SGCD: variants seen among roughly 807,000 people sequenced by gnomAD.
SGCD encodes sarcoglycan delta.
SGCD carries 18 observed loss-of-function variants against 36.6 expected under a neutral mutation model. The observed-to-expected ratio is 0.49, with a 90% CI of 0.34 to 0.73. SGCD has a LOEUF of 0.73. SGCD is among the 30% of genes least tolerant of loss of function. The probability of loss-of-function intolerance (pLI) is 0.01; values close to 1 mark genes in which losing one functional copy is unlikely to be tolerated. For missense variants in SGCD, 387 were observed against 346.7 expected (o/e 1.12, Z -0.92); for synonymous variants, 133 against 130.6 (o/e 1.02, Z -0.12).
chr5:155,792,449 A>G, the SGCD span, among the ~76,000 whole-genome samples: 11 of 151,428 alleles, frequency 7.3e-5, no homozygotes, highest in Non-Finnish European at 2.9e-5. Flanking sequence ...AAAAAAAAAA[A>G]AAAGTCAACA....
intron 3 of SGCD, among the ~76,000 whole-genome samples, chr5:156,303,314 A>G (rs1222958942): frequency 1.3e-5 from 2 of 152,078 alleles, no homozygotes; most frequent in Non-Finnish European, 2.9e-5. Flanking sequence ...CTCTAGGCCC[A>G]AAGGTCTTTA....
chr5:156,730,072 C>A (rs1188425173), intron 7 of SGCD, among the ~76,000 whole-genome samples: 1 of 151,650 alleles, frequency 6.6e-6, no homozygotes, highest in Non-Finnish European at 1.5e-5. Flanking sequence ...AATTGTACCA[C>A]AATATAGTCC....
the SGCD span, among the ~76,000 whole-genome samples, chr5:155,850,004 A>G: frequency 0.064 from 9,724 of 152,260 alleles, 370 homozygotes; most frequent in Middle Eastern, 0.14. Context: ...TTTGCTATAT[A>G]AATATCAGGA....
the SGCD span, among the ~76,000 whole-genome samples, chr5:155,728,340 C>G: frequency 6.6e-6 from 1 of 152,166 alleles, no homozygotes; most frequent in African/African-American, 2.4e-5. Context: ...GAGTCGGAGC[C>G]GGCGAGATCG....
At chr5:156,545,821 T>G (rs917530000) in intron 4 of SGCD, among the ~76,000 whole-genome samples, 1 of 152,142 alleles carries the variant, frequency 6.6e-6, no homozygotes, top group Non-Finnish European at 1.5e-5. Flanking sequence ...TGGATATGTC[T>G]GCGGGAAGCC....
At chr5:156,012,547 A>G (rs1758881600) in intron 1 of SGCD, among the ~76,000 whole-genome samples, 1 of 152,142 alleles carries the variant, frequency 6.6e-6, no homozygotes, top group Non-Finnish European at 1.5e-5. Context: ...ATGTATTCAG[A>G]CATATCTATG....
chr5:156,276,755 A>G (rs1766328031), intron 3 of SGCD, among the ~76,000 whole-genome samples: 1 of 152,214 alleles, frequency 6.6e-6, no homozygotes, highest in South Asian at 2.1e-4. Context: ...AGTACATTTT[A>G]AAGTGTGTAA....
intron 1 of SGCD, among the ~76,000 whole-genome samples, chr5:155,878,855 A>G (rs1220956539): frequency 2.0e-5 from 3 of 152,166 alleles, no homozygotes; most frequent in Non-Finnish European, 4.4e-5. Context: ...AAACAAATTC[A>G]ATATTGAGCT....
the SGCD span, among the ~76,000 whole-genome samples, chr5:155,782,882 A>G: frequency 6.6e-6 from 1 of 152,144 alleles, no homozygotes; most frequent in Non-Finnish European, 1.5e-5. Flanking sequence ...GTCAGTGGAA[A>G]AATTGTCTTC....
chr5:156,747,759 G>T (rs552937556), intron 7 of SGCD, among the ~76,000 whole-genome samples: 2 of 152,168 alleles, frequency 1.3e-5, no homozygotes, highest in East Asian at 1.9e-4. Context: ...TCCAGCCCAC[G>T]TTGAGGGGAG....
chr5:156,089,093 G>A (rs932973952), intron 1 of SGCD, among the ~76,000 whole-genome samples: 1 of 152,182 alleles, frequency 6.6e-6, no homozygotes, highest in Non-Finnish European at 1.5e-5. Flanking sequence ...AGAGCAAATT[G>A]CCACATAGTA....
chr5:156,414,514 C>A (rs376755728), intron 3 of SGCD, among the ~76,000 whole-genome samples: 1 of 152,128 alleles, frequency 6.6e-6, no homozygotes, highest in East Asian at 1.9e-4. Context: ...CTGTAAAGGG[C>A]CAGATAGTAA....
At position 156,373,541 on chromosome 5, in the gene SGCD, T is replaced by G. The variant is rs1295317912; in HGVS notation, c.192+28864T>G. On this transcript the variant is annotated intron_variant, in intron 3 of 8. Coordinates refer to ENST00000337851, the MANE Select transcript of SGCD (RefSeq NM_000337.6). Reference sequence around the variant, plus strand: ...AATTCACCAGGATTCTTTCCTTCTCTGTGAAAGCATTTATTACCCAGAAGA... The same window carrying G: ...AATTCACCAGGATTCTTTCCTTCTCGGTGAAAGCATTTATTACCCAGAAGA... Among the ~76,000 whole-genome samples, 4 of 152,346 alleles carry G rather than the reference T, an allele frequency of 2.6e-5. No homozygotes were observed. In the East Asian group the frequency reaches 7.7e-4, roughly 29 times the overall value.
chr5:156,148,815 T>TA (rs914588444), intron 3 of SGCD, among the ~76,000 whole-genome samples: 16 of 152,194 alleles, frequency 1.1e-4, no homozygotes, highest in African/African-American at 3.9e-4. Context: ...ATTCAATCTA[T>TA]ATCTAATCTT....
chr5:156,509,410 G>A (rs1036022508), intron 4 of SGCD, among the ~76,000 whole-genome samples: 11 of 152,080 alleles, frequency 7.2e-5, no homozygotes, highest in African/African-American at 2.4e-4. Flanking sequence ...GGGCAACAGA[G>A]CAAGGCTCCA....
At chr5:155,860,754 A>T in the SGCD span, among the ~76,000 whole-genome samples, 1 of 152,216 alleles carries the variant, frequency 6.6e-6, no homozygotes, top group Non-Finnish European at 1.5e-5. Flanking sequence ...CAAGAGATTC[A>T]CTTAAGATTT....
At chr5:155,977,421 A>C (rs967935008) in intron 1 of SGCD, among the ~76,000 whole-genome samples, 5 of 152,210 alleles carry the variant, frequency 3.3e-5, no homozygotes, top group Non-Finnish European at 5.9e-5. Flanking sequence ...AAACTCCATA[A>C]TACTGGCCCT....
intron 3 of SGCD, among the ~76,000 whole-genome samples, chr5:156,406,819 TACACACACACACACACACACAC>T (rs58920671): frequency 5.8e-4 from 60 of 104,204 alleles, no homozygotes; most frequent in African/African-American, 6.9e-4. Context: ...TATATATATA[TACACACACACACACACACACAC>T]ATATATATGT....
chr5:155,878,030 T>A lies in SGCD; in HGVS notation c.-282+7606T>A, dbSNP rs150202761. ...TATGACCCAGTTTCTTCCCCAATGA[T>A]ATAACACAGAGGGAAGGAGCCATTA... On this transcript the variant is annotated intron_variant, in intron 1 of 9. Transcript: ENST00000517913. Among the ~76,000 whole-genome samples the A allele has an allele frequency of 5.1e-4, 77 of 152,198 alleles. No individual in the cohort carries two copies. In the East Asian group the frequency reaches 0.014, roughly 28 times the overall value.
Sources: gnomAD v4.1 joint callset for allele counts (sites outside exome capture counted in the v4.1 genomes callset) on GRCh38, gnomAD v4.1.1 for gene constraint, MANE v1.5 for transcripts, NCBI Gene and HGNC (gene_info 2026-07-23, HGNC 2026-07-21) for gene names.